VPS13D: variants seen among roughly 807,000 people sequenced by gnomAD.
The protein encoded by VPS13D is intermembrane lipid transfer protein VPS13D.
VPS13D carries 187 observed loss-of-function variants against 461.9 expected under a neutral mutation model. That is an observed-to-expected ratio of 0.40 (90% CI 0.36 to 0.46). The LOEUF is 0.46. VPS13D is among the 20% of genes least tolerant of loss of function. The probability of loss-of-function intolerance (pLI) is 0.60; values close to 1 mark genes in which losing one functional copy is unlikely to be tolerated. For synonymous variants in VPS13D, 1,951 were observed against 1,986.3 expected, an observed-to-expected ratio of 0.98 and a Z score of 0.47; for missense variants, 4,711 against 5,364.9, an observed-to-expected ratio of 0.88 and a Z score of 3.81.
At chr1:12,244,685 C>T in intron 5 of VPS13D, 68 bp downstream of exon 5, 6 of 1,451,574 alleles carry the variant, frequency 4.1e-6, no homozygotes, top group Non-Finnish European at 4.8e-6. Context: ...ACGTGTTTCT[C>T]CTCTTAGTTT....
At chr1:12,312,397 A>C (rs944376079) in intron 29 of VPS13D, among the ~76,000 whole-genome samples, 1 of 152,184 alleles carries the variant, frequency 6.6e-6, no homozygotes, top group African/African-American at 2.4e-5. Flanking sequence ...TGTGTGTCTG[A>C]GTAGTTACGG....
intron 10 of VPS13D, 37 bp from the exon 11 acceptor site, chr1:12,260,650 CGTTTGT>C (rs762148690): frequency 1.5e-5 from 23 of 1,556,980 alleles, no homozygotes; most frequent in Non-Finnish European, 1.9e-5. Flanking sequence ...GGATCTACAA[CGTTTGT>C]GTTTTTGTTT....
At chr1:12,263,867 T>TA (rs1641188297) in intron 13 of VPS13D, among the ~76,000 whole-genome samples, 1 of 152,246 alleles carries the variant, frequency 6.6e-6, no homozygotes, top group Admixed American at 6.5e-5. Context: ...GCTGGATAGA[T>TA]ACAGGCACAC....
chr1:12,508,893 G>A lies in VPS13D; in HGVS notation c.13036G>A (p.Val4346Ile). ...IPGPSHQKPMVHVKSEVLAVK... is the reference protein window; with the variant it reads ...IPGPSHQKPMIHVKSEVLAVK... ...TGACCCATCCTGTTCTCCTCCTTAGGTCCATGTGAAATCTGAGGTCCTTGC... is the reference window on the plus strand; with the variant it reads ...TGACCCATCCTGTTCTCCTCCTTAGATCCATGTGAAATCTGAGGTCCTTGC... Residue 4346 changes from valine (V) to isoleucine (I), a missense_variant and splice_region_variant, in exon 70 of 70, where the codon GTC becomes ATC. This residue lies in a region of VPS13D where 194 missense variants were observed against 220.9 expected (regional missense o/e 0.88). Transcript: ENST00000620676. The A allele has an allele frequency of 6.2e-7, 1 of 1,613,980 alleles. No homozygotes were observed. The highest frequency in any genetic ancestry group is 1.1e-5 in the South Asian group (1 of 91,022).
At position 12,455,849 on chromosome 1, in the gene VPS13D, G is replaced by A. The variant is rs567388868; in HGVS notation, c.12334-149G>A. 268 of 952,108 alleles carry A rather than the reference G, an allele frequency of 2.8e-4. No individual in the cohort carries two copies. The Middle Eastern group carries it at 6.4e-3, about 23-fold the overall frequency. The allele number at this position is 952,108 out of a possible 1,614,324, so 59.0% of individuals were successfully genotyped here. ...CAGGAGAATCACTTGAGCCTGGGAGGCGGAGGTTGTGATGAGATGAGATCA... is the reference window on the plus strand; with the variant it reads ...CAGGAGAATCACTTGAGCCTGGGAGACGGAGGTTGTGATGAGATGAGATCA... On this transcript the variant is annotated intron_variant, in intron 65 of 69. Coordinates refer to ENST00000620676, the MANE Select transcript of VPS13D (RefSeq NM_015378.4).
chr1:12,268,738 C>T lies in VPS13D; in HGVS notation c.1834C>T (p.Leu612=). Residue 612 remains leucine (L), a synonymous_variant, in exon 16 of 70, where the codon CTG becomes TTG. Transcript: ENST00000620676. The part of the protein sequence containing the change: ...ADPDGPVFEM[L]YERNPAHSHF... ...TCCAGATGGCCCCGTTTTTGAGATG[C>T]TGTATGAGAGAAATCCGGCGCACAG... 6.2e-7 allele frequency: 1 copy of T among 1,613,630 alleles called. No homozygotes were observed. Among genetic ancestry groups the T allele is most frequent in the Non-Finnish European group, 8.5e-7 (1 of 1,179,840 alleles).
At chr1:12,343,373 C>T (rs370564549) in intron 42 of VPS13D, among the ~76,000 whole-genome samples, 44 of 151,928 alleles carry the variant, frequency 2.9e-4, no homozygotes, top group African/African-American at 1.0e-3. Flanking sequence ...GGGGTTTCAT[C>T]ATGTTGGCCA....
intron 67 of VPS13D, among the ~76,000 whole-genome samples, chr1:12,486,793 G>C (rs56191406): frequency 0.89 from 135,798 of 152,296 alleles, 61,023 homozygotes; most frequent in African/African-American, 0.94. Flanking sequence ...GAAGCAGCAC[G>C]TCTGGCTCCC....
In VPS13D at chr1:12,318,321, C is replaced by G. The variant is rs760222576; in HGVS notation, c.7398C>G (p.Val2466=). The part of the protein sequence containing the change: ...LPVSNERHLE[V]KVNVTGTEFV... The stretch of plus-strand genomic sequence containing the variant: ...TGTCCAATGAAAGGCACCTGGAGGT[C>G]AAGGTCAATGTAACAGGTGATTATA... The change falls in exon 31 of 70, where the codon GTC becomes GTG. Residue 2466 remains valine (V), a synonymous_variant. Transcript: ENST00000620676. The G allele has an allele frequency of 6.2e-7, 1 of 1,610,864 alleles. No homozygotes were observed. The highest frequency in any genetic ancestry group is 2.2e-5 in the East Asian group (1 of 44,812).
intron 62 of VPS13D, 74 bp from the exon 63 acceptor site, chr1:12,403,751 A>T (rs1644611249): frequency 7.1e-7 from 1 of 1,408,486 alleles, no homozygotes; most frequent in South Asian, 1.5e-5. Flanking sequence ...TTTCTATGTG[A>T]ATACAAAGTG....
intron 20 of VPS13D, among the ~76,000 whole-genome samples, chr1:12,280,349 C>T (rs891764045): frequency 3.2e-4 from 49 of 152,206 alleles, no homozygotes; most frequent in Admixed American, 7.8e-4. Flanking sequence ...TTTGTGGTTC[C>T]TCCCAGGGGT....
intron 52 of VPS13D, among the ~76,000 whole-genome samples, chr1:12,364,616 C>T (rs1019615105): frequency 1.3e-5 from 2 of 152,166 alleles, no homozygotes; most frequent in Admixed American, 1.3e-4. Context: ...CACAGGATTC[C>T]ACTTTCTCCA....
chr1:12,351,137 A>C (rs189806834), intron 46 of VPS13D, among the ~76,000 whole-genome samples: 1 of 152,334 alleles, frequency 6.6e-6, no homozygotes, highest in East Asian at 1.9e-4. Context: ...ACAGTTTTAC[A>C]CAAGATCTCT....
chr1:12,390,601 CTA>C (rs1297412850), intron 60 of VPS13D, among the ~76,000 whole-genome samples: 2 of 152,200 alleles, frequency 1.3e-5, no homozygotes, highest in African/African-American at 4.8e-5. Flanking sequence ...GAGTAAGCGT[CTA>C]TTCCAGTGAA....
chr1:12,267,533 G>A (rs770529723), intron 14 of VPS13D, among the ~76,000 whole-genome samples: 30 of 152,128 alleles, frequency 2.0e-4, no homozygotes, highest in Non-Finnish European at 4.0e-4. Flanking sequence ...TTGGGGGAAC[G>A]TTATGGAGAG....
At chr1:12,478,594 C>T (rs915599042) in intron 67 of VPS13D, 1 of 348,910 alleles carries the variant, frequency 2.9e-6, no homozygotes, top group Non-Finnish European at 5.7e-6. Flanking sequence ...CAGAACTTGC[C>T]CATCTGAGGT....
Position 12,299,627 on chromosome 1 carries a change from A to G in VPS13D, c.6216+243A>G, listed in dbSNP as rs190477934. On this transcript the variant is annotated intron_variant, in intron 25 of 69. Transcript: ENST00000620676. The surrounding 1 kb of genome is among the most constrained non-coding windows in gnomAD (Gnocchi z 4.2). ...TTTTTGACATTTTATTGATATTTCA[A>G]TTAACCTTATGAATTGAGGTAGTGT... Among the ~76,000 whole-genome samples, 5 of 152,182 alleles carry G rather than the reference A, an allele frequency of 3.3e-5. No homozygotes were observed. The East Asian group carries it at 7.7e-4, about 23-fold the overall frequency.
rs749074903 is a variant in VPS13D, at chr1:12,383,038, C to T, written c.11253C>T (p.Ser3751=). The T allele has an allele frequency of 1.2e-6, 2 of 1,614,146 alleles. No homozygotes were observed. Among genetic ancestry groups the T allele is most frequent in the South Asian group, 2.2e-5 (2 of 91,084 alleles). Residue 3751 remains serine (S), a synonymous_variant, in exon 58 of 70, where the codon TCC becomes TCT. Coordinates refer to ENST00000620676, the MANE Select transcript of VPS13D (RefSeq NM_015378.4). ...AAGTTGTTCTTGGTCCTGACACTTC[C>T]ATGGAGCTTTTGGGGCCAGTTCCAC... The part of the protein sequence containing the change: ...GAEVVLGPDT[S]MELLGPVPPE...
intron 69 of VPS13D, among the ~76,000 whole-genome samples, chr1:12,508,197 C>T (rs1646138133): frequency 6.6e-6 from 1 of 152,268 alleles, no homozygotes; most frequent in East Asian, 1.9e-4. Context: ...TACTTCTGCC[C>T]CTTTCAAAGC....
Sources: allele counts gnomAD v4.1 joint callset (sites outside exome capture counted in the v4.1 genomes callset), GRCh38; gene constraint gnomAD v4.1.1; regional missense constraint gnomAD v4.1.1; non-coding constraint Gnocchi (gnomAD v3.1); transcripts MANE v1.5; gene names NCBI Gene and HGNC (gene_info 2026-07-23, HGNC 2026-07-21).